Variants in DPH6 observed in about 807,000 individuals in gnomAD.
DPH6 encodes diphthamine biosynthesis 6.
DPH6 carries 33 observed loss-of-function variants against 38.2 expected under a neutral mutation model. That is an observed-to-expected ratio of 0.86 (90% CI 0.65 to 1.15). The LOEUF is 1.15. Among genes scored for constraint, DPH6 ranks in the 50% most tolerant of loss-of-function variants. The pLI, the probability that DPH6 is intolerant of heterozygous loss-of-function variation, is 0.00. For synonymous variants in DPH6, 108 were observed against 103.0 expected (o/e 1.05, Z -0.30); for missense variants, 325 against 320.0 (o/e 1.02, Z -0.12).
chr15:35,460,513 T>A (rs1464453800), intron 3 of DPH6, among the ~76,000 whole-genome samples: 1 of 152,196 alleles, frequency 6.6e-6, no homozygotes, highest in African/African-American at 2.4e-5. Context: ...ATTATCACTA[T>A]AAATGATGAT....
the DPH6 span, among the ~76,000 whole-genome samples, chr15:35,167,747 A>G: frequency 6.6e-6 from 1 of 152,018 alleles, no homozygotes; most frequent in Admixed American, 6.6e-5. Context: ...GAATTAACCT[A>G]CAATGTTTCC....
chr15:35,227,696 T>C lies in DPH6; in HGVS notation n.201-7114A>G, dbSNP rs150458903. 2.9e-3 allele frequency among the ~76,000 whole-genome samples: 437 copies of C among 152,200 alleles called. 2 individuals are homozygous for C. The highest frequency in any genetic ancestry group is 0.01 in the African/African-American group (416 of 41,568). On this transcript the variant is annotated intron_variant and non_coding_transcript_variant, in intron 3 of 3. Transcript: ENST00000560386. Reference sequence around the variant, plus strand: ...TTTTGGTTTGCTCTGGCTTTTCTAGTTTTTAAGATACATTGTTAGGATGTT... The same window carrying C: ...TTTTGGTTTGCTCTGGCTTTTCTAGCTTTTAAGATACATTGTTAGGATGTT...
chr15:35,469,661 A>G (rs1391225994), intron 3 of DPH6, among the ~76,000 whole-genome samples: 1 of 152,214 alleles, frequency 6.6e-6, no homozygotes, highest in African/African-American at 2.4e-5. Flanking sequence ...TTGAGTGCCA[A>G]TTGGACACTG....
intron 3 of DPH6, among the ~76,000 whole-genome samples, chr15:35,352,842 T>C (rs908467406): frequency 3.3e-5 from 5 of 152,224 alleles, no homozygotes; most frequent in African/African-American, 9.6e-5. Context: ...TCTAGATTCC[T>C]GAGGAATCGC....
chr15:35,514,848 T>C (rs1004203648), intron 3 of DPH6, among the ~76,000 whole-genome samples: 1 of 152,124 alleles, frequency 6.6e-6, no homozygotes, highest in African/African-American at 2.4e-5. Context: ...TACTGAGCCT[T>C]CAAAAAGACA....
chr15:35,369,393 T>A (rs1395437737), downstream of DPH6, among the ~76,000 whole-genome samples: 2 of 151,842 alleles, frequency 1.3e-5, no homozygotes, highest in Non-Finnish European at 2.9e-5. Context: ...GTGATTTTGA[T>A]AAAATATGTA....
chr15:35,438,762 T>C (rs2053749006), intron 5 of DPH6, among the ~76,000 whole-genome samples: 1 of 152,246 alleles, frequency 6.6e-6, no homozygotes, highest in East Asian at 1.9e-4. Flanking sequence ...GTGCCCCTTT[T>C]AGTTCATGTG....
At chr15:35,312,932 A>G (rs1234061614) in intron 3 of DPH6, among the ~76,000 whole-genome samples, 1 of 152,174 alleles carries the variant, frequency 6.6e-6, no homozygotes, top group African/African-American at 2.4e-5. Flanking sequence ...GCTTCGTAGT[A>G]AATTTTGAAG....
In DPH6 at chr15:35,246,843, T is replaced by C. The variant is rs181828834; in HGVS notation, n.201-26261A>G. On this transcript the variant is annotated intron_variant and non_coding_transcript_variant, in intron 3 of 3. Coordinates refer to the DPH6 transcript ENST00000560386. ...TTTTGGCCTGGTCCATACTTTACTA[T>C]GGAAACATACTTTAGGAGCTGATGC... 2.3e-3 allele frequency among the ~76,000 whole-genome samples: 348 copies of C among 152,314 alleles called. 1 individual carries two copies. Among genetic ancestry groups the C allele is most frequent in the Non-Finnish European group, 3.8e-3 (258 of 68,020 alleles).
intron 3 of DPH6, among the ~76,000 whole-genome samples, chr15:35,499,114 A>T (rs562400441): frequency 6.6e-6 from 1 of 152,222 alleles, no homozygotes; most frequent in East Asian, 1.9e-4. Flanking sequence ...TGAGAAAGCC[A>T]GTCTATACTT....
chr15:35,204,567 G>A, the DPH6 span, among the ~76,000 whole-genome samples: 1 of 151,632 alleles, frequency 6.6e-6, no homozygotes, highest in Non-Finnish European at 1.5e-5. Flanking sequence ...TTATTTTTAG[G>A]AACGTATGAT....
At chr15:35,515,955 C>T (rs1203875830) in intron 3 of DPH6, among the ~76,000 whole-genome samples, 1 of 152,016 alleles carries the variant, frequency 6.6e-6, no homozygotes, top group African/African-American at 2.4e-5. Context: ...ACAAAACTTT[C>T]CTAGTTAAGA....
At chr15:35,262,147 TTTATA>T (rs1458943048) in intron 3 of DPH6, among the ~76,000 whole-genome samples, 1 of 152,194 alleles carries the variant, frequency 6.6e-6, no homozygotes, top group Admixed American at 6.5e-5. Flanking sequence ...AGTCTATTAC[TTTATA>T]TATAGTTATA....
At chr15:35,350,398 T>C (rs774001499) in intron 3 of DPH6, among the ~76,000 whole-genome samples, 2 of 151,970 alleles carry the variant, frequency 1.3e-5, no homozygotes, top group Non-Finnish European at 2.9e-5. Context: ...TTAGTTTTGT[T>C]AATTTTTAAA....
chr15:35,259,204 G>A (rs951487115), intron 3 of DPH6, among the ~76,000 whole-genome samples: 4 of 150,822 alleles, frequency 2.7e-5, no homozygotes, highest in African/African-American at 4.9e-5. Context: ...TTCCCTTCTC[G>A]AATTCTGTAA....
rs573892860 is a variant in DPH6 at position 35,426,973 on chromosome 15, C to A, written c.506-16077G>T. 2.8e-5 allele frequency among the ~76,000 whole-genome samples: 4 copies of A among 144,172 alleles called. No homozygotes were observed. In the South Asian group the frequency reaches 8.7e-4, roughly 31 times the overall value. The allele number at this position is 144,172 out of a possible 152,430, so 94.6% of individuals were successfully genotyped here. On this transcript the variant is annotated intron_variant, in intron 5 of 8. Coordinates refer to ENST00000256538, the MANE Select transcript of DPH6 (RefSeq NM_080650.4). ...GACATTTTTCCCCCTGAATTAAATACCAAAAATGTACTGTCAGGGGAAGAA... is the reference window on the plus strand; with the variant it reads ...GACATTTTTCCCCCTGAATTAAATAACAAAAATGTACTGTCAGGGGAAGAA...
intron 3 of DPH6, among the ~76,000 whole-genome samples, chr15:35,473,889 G>C (rs975823819): frequency 6.6e-6 from 1 of 150,874 alleles, no homozygotes; most frequent in African/African-American, 2.5e-5. Context: ...ATACAAAAAA[G>C]GCAAGCGATA....
At chr15:35,509,266 A>C (rs2054735770) in intron 3 of DPH6, among the ~76,000 whole-genome samples, 3 of 152,226 alleles carry the variant, frequency 2.0e-5, no homozygotes, top group Admixed American at 2.0e-4. Flanking sequence ...AGGCAAGAGC[A>C]GTTTGTTGAA....
At chr15:35,492,956 T>C (rs1263061818) in intron 3 of DPH6, among the ~76,000 whole-genome samples, 1 of 152,194 alleles carries the variant, frequency 6.6e-6, no homozygotes, top group African/African-American at 2.4e-5. Flanking sequence ...GACAGAATGT[T>C]ACAAATATAC....
Sources: gnomAD v4.1 joint callset for allele counts (sites outside exome capture counted in the v4.1 genomes callset) on GRCh38, gnomAD v4.1.1 for gene constraint, MANE v1.5 for transcripts, NCBI Gene and HGNC (gene_info 2026-07-23, HGNC 2026-07-21) for gene names.